Variants in CEP170B observed in about 807,000 individuals in gnomAD.
CEP170B encodes the protein centrosomal protein of 170 kDa protein B.
Under a neutral mutation model 120.6 loss-of-function variants are expected in CEP170B, and 55 were observed. The observed-to-expected ratio is 0.46, with a 90% CI of 0.37 to 0.57. The LOEUF (loss-of-function observed/expected upper bound fraction) is 0.57. Among genes scored for constraint, CEP170B ranks in the 20% least tolerant of loss-of-function variants. The probability of loss-of-function intolerance (pLI) is 0.00; values close to 1 mark genes in which losing one functional copy is unlikely to be tolerated. For missense variants in CEP170B, 2,212 were observed against 2,253.3 expected, an observed-to-expected ratio of 0.98 and a Z score of 0.37; for synonymous variants, 1,033 against 954.5, an observed-to-expected ratio of 1.08 and a Z score of -1.52.
Position 104,867,570 on chromosome 14 carries a change from G to T in CEP170B, c.-27-854G>T, listed in dbSNP as rs996303863. 1.3e-5 allele frequency among the ~76,000 whole-genome samples: 2 copies of T among 152,122 alleles called. No homozygotes were observed. Among genetic ancestry groups the T allele is most frequent in the East Asian group, 1.9e-4 (1 of 5,192 alleles). On this transcript the variant is annotated intron_variant, in intron 1 of 18. Transcript: ENST00000414716. The surrounding 1 kb of genome is among the most constrained non-coding windows in gnomAD (Gnocchi z 5.4). The stretch of plus-strand genomic sequence containing the variant: ...CAGGACATGTGTGCTGGCATGCTCC[G>T]GGCTTGCAGGGTGCATGCTGGCTGG...
chr14:104,890,322 GTGGA>G (rs1199135288), intron 13 of CEP170B, among the ~76,000 whole-genome samples: 2 of 112,362 alleles, frequency 1.8e-5, no homozygotes, highest in Admixed American at 8.8e-5. Context: ...GGGTGGGTGG[GTGGA>G]TGGATGGATG....
chr14:104,889,176 G>T (rs555241945), intron 12 of CEP170B, among the ~76,000 whole-genome samples: 392 of 152,290 alleles, frequency 2.6e-3, no homozygotes, highest in Admixed American at 4.1e-3. Context: ...TGGTGGGGAG[G>T]TTTACTCTGT....
intron 11 of CEP170B, 54 bp from the exon 12 acceptor site, chr14:104,886,221 G>A (rs1014651585): frequency 3.7e-4 from 540 of 1,473,554 alleles, no homozygotes; most frequent in Middle Eastern, 1.3e-3. Flanking sequence ...CTTCCTGAGC[G>A]TGGAGGGCCT....
At chr14:104,893,712 G>A (rs1232525242) in intron 15 of CEP170B, 46 bp downstream of exon 15, 4 of 1,586,608 alleles carry the variant, frequency 2.5e-6, no homozygotes, top group Non-Finnish European at 3.4e-6. Flanking sequence ...GGGGGAGCAG[G>A]GGCGGGGCTC....
rs896178827 is a variant in CEP170B, at chr14:104,895,108, C to G, written c.*150C>G. 2 of 881,270 alleles carry G rather than the reference C, an allele frequency of 2.3e-6. No homozygotes were observed. The highest frequency in any genetic ancestry group is 3.4e-5 in the African/African-American group (2 of 58,632). 54.6% of individuals were successfully genotyped at this position (881,270 alleles called of 1,614,324 possible). The stretch of plus-strand genomic sequence containing the variant: ...GGGCGGGTGCCTCCCACGCCCTTGC[C>G]CCCTCGTCAGCTCCCAGCCAGCACC... On this transcript the variant is annotated 3_prime_UTR_variant, in exon 19 of 19. Coordinates refer to ENST00000414716, the MANE Select transcript of CEP170B (RefSeq NM_001112726.3).
At chr14:104,885,184 C>A (rs1420515709) in intron 9 of CEP170B, among the ~76,000 whole-genome samples, 185 bp from the exon 10 acceptor site, 3 of 152,114 alleles carry the variant, frequency 2.0e-5, no homozygotes, top group Non-Finnish European at 2.9e-5. Flanking sequence ...CCTCCCCTTC[C>A]CAGGGCTGGG....
intron 9 of CEP170B, 37 bp downstream of exon 9, chr14:104,884,586 A>C: frequency 6.0e-6 from 9 of 1,507,658 alleles, no homozygotes; most frequent in Non-Finnish European, 3.6e-6. Flanking sequence ...CTCGTGGGGA[A>C]CGGGGGGGTG....
chr14:104,872,435 G>GTGCGTGTGGGTGTGC (rs770786844), intron 2 of CEP170B, among the ~76,000 whole-genome samples: 1 of 75,072 alleles, frequency 1.3e-5, no homozygotes, highest in Non-Finnish European at 3.4e-5. Context: ...GTGCGTGTGT[G>GTGCGTGTGGGTGTGC]CGTGTGTGTG....
At chr14:104,872,254 ATGTGTGTGCGTG>A (rs1895547574) in intron 2 of CEP170B, among the ~76,000 whole-genome samples, 2 of 82,294 alleles carry the variant, frequency 2.4e-5, no homozygotes, top group South Asian at 4.4e-4. Flanking sequence ...TGTGTGTGCC[ATGTGTGTGCGTG>A]TGGGTGTGCC....
intron 14 of CEP170B, 131 bp downstream of exon 14, chr14:104,893,266 G>T: frequency 3.4e-6 from 4 of 1,192,044 alleles, no homozygotes; most frequent in Non-Finnish European, 4.6e-6. Flanking sequence ...GCTGGAACAT[G>T]TCCCCCTGGG....
At chr14:104,893,272 CT>C in intron 14 of CEP170B, 137 bp downstream of exon 14, 1 of 1,181,576 alleles carries the variant, frequency 8.5e-7, no homozygotes, top group Non-Finnish European at 1.2e-6. Flanking sequence ...ACATGTCCCC[CT>C]GGGTCAGCGC....
In CEP170B at chr14:104,887,233, C is replaced by T. The variant is rs762046401; in HGVS notation, c.2994C>T (p.Thr998=). The change falls in exon 12 of 19, where the codon ACC becomes ACT. Residue 998 remains threonine, a synonymous_variant. Transcript: ENST00000414716. ...CAGCTGCACAGGACCCGGGAGGCAC[C>T]GCCCTGGTCAGTGCCCGTGAGCAGT... ...SPPAAQDPGG[T]ALVSAREQSS... is the part of the protein sequence containing the mutation. 11 of 1,606,026 alleles carry T rather than the reference C, an allele frequency of 6.8e-6. No individual in the cohort carries two copies. The highest frequency in any genetic ancestry group is 5.3e-5 in the African/African-American group (4 of 74,932).
chr14:104,883,083 G>C lies in CEP170B; in HGVS notation c.626G>C (p.Arg209Pro). The change falls in exon 8 of 19, where the codon CGC (arginine) becomes CCC (proline). Residue 209 changes from arginine (R) to proline (P), a missense_variant. This residue lies in a region of CEP170B where 2,166 missense variants were observed against 2,166.7 expected (regional missense o/e 1.00). Transcript: ENST00000414716. ...VQQDGELHGF[R>P]APAEPQGCSF... is the part of the protein sequence containing the mutation. ...CAGGACGGGGAGCTCCACGGCTTCCGCGCCCCTGCTGAGCCTCAGGGCTGC... is the reference window on the plus strand; with the variant it reads ...CAGGACGGGGAGCTCCACGGCTTCCCCGCCCCTGCTGAGCCTCAGGGCTGC... 6.4e-7 allele frequency: 1 copy of C among 1,566,028 alleles called. No homozygotes were observed. Among genetic ancestry groups the C allele is most frequent in the Non-Finnish European group, 8.6e-7 (1 of 1,159,192 alleles).
Position 104,883,721 on chromosome 14 carries a change from C to A in CEP170B, c.1052-110C>A, listed in dbSNP as rs943618581. 2.0e-5 allele frequency: 24 copies of A among 1,198,502 alleles called. No homozygotes were observed. In the African/African-American group the frequency reaches 3.4e-4, roughly 17 times the overall value. 74.2% of individuals were successfully genotyped at this position (1,198,502 alleles called of 1,614,324 possible). A position where few individuals can be genotyped will look rare whatever the true frequency, so the allele number is the denominator to read the frequency against. On this transcript the variant is annotated intron_variant, in intron 8 of 18. Transcript: ENST00000414716. ...GCCCTGTGTGGGGGGGCCCTGAGGG[C>A]TGGGGTGCTTTGTCAACTCAGCTAA...
chr14:104,890,426 ATGAG>A (rs1181477892), intron 13 of CEP170B, among the ~76,000 whole-genome samples: 6 of 110,364 alleles, frequency 5.4e-5, no homozygotes, highest in Non-Finnish European at 7.4e-5. Context: ...GGATGAATGG[ATGAG>A]TGAGTGGGTG....
rs1595348005 is a variant in CEP170B, at chr14:104,886,552, G to A, written c.2313G>A (p.Arg771=). The A allele has an allele frequency of 7.8e-7, 1 of 1,275,998 alleles. No homozygotes were observed. The highest frequency in any genetic ancestry group is 1.1e-6 in the Non-Finnish European group (1 of 950,962). The allele number at this position is 1,275,998 out of a possible 1,614,324, so 79.0% of individuals were successfully genotyped here. ...PGVEPQDSRR[R]SPQEGPTWSR... is the part of the protein sequence containing the mutation. Reference sequence around the variant, plus strand: ...TGGAGCCACAGGACAGCAGACGCAGGAGCCCCCAGGAGGGGCCCACGTGGA... The same window carrying A: ...TGGAGCCACAGGACAGCAGACGCAGAAGCCCCCAGGAGGGGCCCACGTGGA... Residue 771 remains arginine (R), a synonymous_variant, in exon 12 of 19, where the codon AGG becomes AGA. Coordinates refer to ENST00000414716, the MANE Select transcript of CEP170B (RefSeq NM_001112726.3).
Position 104,865,704 on chromosome 14 carries a change from C to T in CEP170B, c.-28+191C>T, listed in dbSNP as rs548231422. Among the ~76,000 whole-genome samples, 2 of 151,914 alleles carry T rather than the reference C, an allele frequency of 1.3e-5. No individual in the cohort carries two copies. The highest frequency in any genetic ancestry group is 6.5e-5 in the Admixed American group (1 of 15,272). On this transcript the variant is annotated intron_variant, in intron 1 of 18. Transcript: ENST00000414716. This position sits in a 1 kb window ranked among gnomAD's most constrained non-coding sequence, Gnocchi z 6.7. ...GAGGCGGCCCTGGTCTGCGCCAGGC[C>T]GGGAGGAGCCGCCCCGTTTCTACGC... is the stretch of plus-strand genomic sequence containing the variant.
At chr14:104,881,831 C>T (rs546026466) in intron 6 of CEP170B, among the ~76,000 whole-genome samples, 79 of 152,288 alleles carry the variant, frequency 5.2e-4, no homozygotes, top group Non-Finnish European at 9.9e-4. Flanking sequence ...GCGTGTGTGA[C>T]ACATCTCAGG....
chr14:104,864,518 A>G (rs1382767208), upstream of CEP170B, among the ~76,000 whole-genome samples: 4 of 152,094 alleles, frequency 2.6e-5, no homozygotes, highest in Non-Finnish European at 1.5e-5. This position sits in a 1 kb window ranked among gnomAD's most constrained non-coding sequence, Gnocchi z 5.9. Flanking sequence ...CGCCTATTGT[A>G]GCACCCGGCA....
Sources: gnomAD v4.1 joint callset for allele counts (sites outside exome capture counted in the v4.1 genomes callset) on GRCh38, gnomAD v4.1.1 for gene constraint, gnomAD v4.1.1 regional missense constraint, Gnocchi (gnomAD v3.1) non-coding constraint, MANE v1.5 for transcripts, NCBI Gene and HGNC (gene_info 2026-07-23, HGNC 2026-07-21) for gene names.